Variants in ANKRD30B observed in about 807,000 individuals in gnomAD.
The protein encoded by ANKRD30B is ankyrin repeat domain-containing protein 30B.
Under a neutral mutation model 202.2 loss-of-function variants are expected in ANKRD30B, and 144 were observed. The ratio of observed to expected loss-of-function variants is 0.71; its 90% CI spans 0.62 to 0.82. ANKRD30B has a LOEUF of 0.82. Ranked by LOEUF, ANKRD30B falls within the 40% of genes least tolerant of loss-of-function variation. The probability of loss-of-function intolerance (pLI) is 0.00; values close to 1 mark genes in which losing one functional copy is unlikely to be tolerated. For missense variants in ANKRD30B, 1,487 were observed against 1,669.1 expected, an observed-to-expected ratio of 0.89 and a Z score of 1.90; for synonymous variants, 508 against 561.3, an observed-to-expected ratio of 0.91 and a Z score of 1.34.
chr18:14,883,425 A>C, the ANKRD30B span: 1 of 23,864 alleles, frequency 4.2e-5, no homozygotes, highest in African/African-American at 1.3e-4. Context: ...ATATATATAT[A>C]TCTATATATA....
At position 14,763,978 on chromosome 18, in the gene ANKRD30B, G is replaced by C; in HGVS notation, c.1113G>C (p.Lys371Asn). The C allele has an allele frequency of 1.9e-6, 3 of 1,603,748 alleles. No individual in the cohort carries two copies. Among genetic ancestry groups the C allele is most frequent in the Non-Finnish European group, 2.6e-6 (3 of 1,175,164 alleles). Residue 371 changes from lysine (K) to asparagine (N), a missense_variant, in exon 7 of 44, where the codon AAG (lysine) becomes AAC (asparagine). This residue lies in a region of ANKRD30B where 889 missense variants were observed against 841.4 expected (regional missense o/e 1.06). Coordinates refer to ENST00000690538, the MANE Select transcript of ANKRD30B (RefSeq NM_001367607.2). ...GGGAGGAAAAAGAAACATCTGTAAA[G>C]ACTGAATGCGTGGCAGGAGTAACAC... ...ITWEEKETSV[K>N]TECVAGVTPN...
chr18:14,887,423 A>G, the ANKRD30B span, among the ~76,000 whole-genome samples: 1 of 152,192 alleles, frequency 6.6e-6, no homozygotes, highest in Non-Finnish European at 1.5e-5. Context: ...ATGCATTCAA[A>G]TATATTCTAA....
chr18:14,937,130 C>T, the ANKRD30B span, among the ~76,000 whole-genome samples: 1 of 152,182 alleles, frequency 6.6e-6, no homozygotes, highest in Admixed American at 6.5e-5. Flanking sequence ...AGCTTACTCC[C>T]TACAGCAGGG....
At chr18:14,878,682 T>C in the ANKRD30B span, among the ~76,000 whole-genome samples, 1 of 152,102 alleles carries the variant, frequency 6.6e-6, no homozygotes, top group Admixed American at 6.5e-5. Flanking sequence ...ATTATTAAAA[T>C]AGAGGACAAA....
chr18:14,781,271 A>T (rs1170083649), intron 11 of ANKRD30B, among the ~76,000 whole-genome samples: 1 of 151,450 alleles, frequency 6.6e-6, no homozygotes, highest in African/African-American at 2.4e-5. Flanking sequence ...AGCCGCTTCT[A>T]CAATGTTCTG....
chr18:14,776,128 T>C (rs905949248), intron 9 of ANKRD30B, among the ~76,000 whole-genome samples: 2 of 152,178 alleles, frequency 1.3e-5, no homozygotes, highest in Non-Finnish European at 2.9e-5. Flanking sequence ...AGCAGGCTAC[T>C]ACTGCAGATT....
chr18:14,849,959 TC>T (rs1180684988), intron 40 of ANKRD30B, among the ~76,000 whole-genome samples: 2 of 151,660 alleles, frequency 1.3e-5, no homozygotes, highest in East Asian at 3.8e-4. Flanking sequence ...AATATTCTTT[TC>T]CATAACAGTT....
chr18:14,875,146 G>C, the ANKRD30B span, among the ~76,000 whole-genome samples: 1 of 152,186 alleles, frequency 6.6e-6, no homozygotes, highest in Non-Finnish European at 1.5e-5. Flanking sequence ...CCATGAGGAA[G>C]GCTCAAGGGA....
the ANKRD30B span, among the ~76,000 whole-genome samples, chr18:14,864,634 C>T: frequency 8.6e-5 from 13 of 151,854 alleles, no homozygotes; most frequent in Admixed American, 3.9e-4. Context: ...CTCCCTCTCC[C>T]TGGCCAGCCT....
the ANKRD30B span, among the ~76,000 whole-genome samples, chr18:14,891,982 A>C: frequency 6.6e-6 from 1 of 152,228 alleles, no homozygotes; most frequent in Admixed American, 6.5e-5. Context: ...TGCAAAAGTA[A>C]TTGTGGCTTT....
chr18:14,925,714 C>T, the ANKRD30B span, among the ~76,000 whole-genome samples: 2 of 152,178 alleles, frequency 1.3e-5, no homozygotes, highest in African/African-American at 2.4e-5. Context: ...GCTGGCTGCC[C>T]TGGAGGCTGG....
the ANKRD30B span, among the ~76,000 whole-genome samples, chr18:14,923,994 T>C: frequency 6.6e-6 from 1 of 152,198 alleles, no homozygotes; most frequent in Non-Finnish European, 1.5e-5. Context: ...TTCCAAACTC[T>C]CCATGTACTC....
intron 37 of ANKRD30B, 37 bp from the exon 38 acceptor site, chr18:14,842,860 T>C: frequency 6.5e-7 from 1 of 1,543,200 alleles, no homozygotes; most frequent in East Asian, 2.5e-5. Flanking sequence ...TTGTCATATT[T>C]ACTTATGACT....
intron 18 of ANKRD30B, among the ~76,000 whole-genome samples, chr18:14,797,107 A>G (rs546648194): frequency 6.6e-6 from 1 of 152,306 alleles, no homozygotes; most frequent in Non-Finnish European, 1.5e-5. Context: ...TGGGTAGACC[A>G]GAAATTCTCA....
the ANKRD30B span, among the ~76,000 whole-genome samples, chr18:14,881,543 CT>C: frequency 6.6e-6 from 1 of 151,986 alleles, no homozygotes; most frequent in African/African-American, 2.4e-5. Context: ...CTGTAGTTTT[CT>C]TTTTTGGTTA....
chr18:14,748,725 C>T (rs1259209577), intron 1 of ANKRD30B, 85 bp downstream of exon 1: 1 of 1,342,050 alleles, frequency 7.5e-7, no homozygotes, highest in East Asian at 2.6e-5. Flanking sequence ...GCTGGGGGTC[C>T]TGGGGACGAG....
At chr18:14,764,605 A>C (rs1322591004) in intron 7 of ANKRD30B, among the ~76,000 whole-genome samples, 1 of 152,016 alleles carries the variant, frequency 6.6e-6, no homozygotes, top group East Asian at 1.9e-4. Context: ...ATATTGGCCA[A>C]ACTCCAACTC....
At chr18:14,905,894 C>T in the ANKRD30B span, 3 of 152,058 alleles carry the variant, frequency 2.0e-5, no homozygotes, top group Non-Finnish European at 4.4e-5. Context: ...GTAAGTTTTG[C>T]CTAAACTCCA....
In ANKRD30B at chr18:14,804,475, C is replaced by A. The variant is rs576719399; in HGVS notation, c.2284+651C>A. On this transcript the variant is annotated intron_variant, in intron 24 of 43. Coordinates refer to ENST00000690538, the MANE Select transcript of ANKRD30B (RefSeq NM_001367607.2). ...AAACTTTAGAAAACCGTCTGAAAAC[C>A]TTGTTAACAATTCACACTGTGATTC... Among the ~76,000 whole-genome samples the A allele has an allele frequency of 2.0e-5, 3 of 147,138 alleles. No individual in the cohort carries two copies. In the South Asian group the frequency reaches 6.6e-4, roughly 33 times the overall value.
Sources: gnomAD v4.1 joint callset for allele counts (sites outside exome capture counted in the v4.1 genomes callset) on GRCh38, gnomAD v4.1.1 for gene constraint, gnomAD v4.1.1 regional missense constraint, MANE v1.5 for transcripts, NCBI Gene and HGNC (gene_info 2026-07-23, HGNC 2026-07-21) for gene names.